The following AMOTL1 variants were observed in gnomAD, a reference collection of about 807,000 sequenced individuals.
AMOTL1 encodes the protein angiomotin like 1.
Under a neutral mutation model 102.9 loss-of-function variants are expected in AMOTL1, and 45 were observed. The observed-to-expected ratio is 0.44, with a 90% CI of 0.34 to 0.56. The LOEUF (loss-of-function observed/expected upper bound fraction) is 0.56, where lower values mean the gene tolerates loss of function less well. AMOTL1 is among the 20% of genes least tolerant of loss of function. The pLI, the probability that AMOTL1 is intolerant of heterozygous loss-of-function variation, is 0.01. For missense variants in AMOTL1, 1,114 were observed against 1,225.6 expected (o/e 0.91, Z 1.36); for synonymous variants, 481 against 484.7 (o/e 0.99, Z 0.10).
At chr11:94,787,047 G>C (rs559978271) in intron 1 of AMOTL1, among the ~76,000 whole-genome samples, 1 of 152,008 alleles carries the variant, frequency 6.6e-6, no homozygotes, top group Admixed American at 6.6e-5. Flanking sequence ...TGAGTTAAGG[G>C]GGGAGGGGTG....
Position 94,821,707 on chromosome 11 carries a change from T to G in AMOTL1, c.1299T>G (p.Asp433Glu). The G allele has an allele frequency of 6.2e-7, 1 of 1,614,038 alleles. No individual in the cohort carries two copies. The highest frequency in any genetic ancestry group is 1.1e-5 in the South Asian group (1 of 91,088). The change falls in exon 4 of 13, where the codon GAT becomes GAG. Residue 433 changes from aspartate to glutamate, a missense_variant. Transcript: ENST00000433060. Reference sequence around the variant, plus strand: ...CCCCCAGCCAGCAGCTTGGTCCAGATGCCTTTGCGATTGTGGAGCGAGCCC... The same window carrying G: ...CCCCCAGCCAGCAGCTTGGTCCAGAGGCCTTTGCGATTGTGGAGCGAGCCC... ...AASPSQQLGP[D>E]AFAIVERAQQ... is the part of the protein sequence containing the mutation.
chr11:94,794,735 C>T (rs1031548030), intron 1 of AMOTL1, among the ~76,000 whole-genome samples: 1 of 152,166 alleles, frequency 6.6e-6, no homozygotes. Flanking sequence ...CTGCTGCAAC[C>T]CTTGGAACCG....
At chr11:94,810,504 A>AAG (rs1951657587) in intron 3 of AMOTL1, among the ~76,000 whole-genome samples, 1 of 151,240 alleles carries the variant, frequency 6.6e-6, no homozygotes, top group Non-Finnish European at 1.5e-5. Context: ...TCCAAAAAAA[A>AAG]AAAAAAAAGA....
chr11:94,792,936 T>C (rs1013086849), intron 1 of AMOTL1, among the ~76,000 whole-genome samples: 1 of 152,132 alleles, frequency 6.6e-6, no homozygotes, highest in Admixed American at 6.5e-5. Context: ...GACCATGAGA[T>C]AAAGTGTGGA....
In AMOTL1 at chr11:94,721,455, C is replaced by T. The variant is rs370547681; in HGVS notation, c.-50-7466C>T. Among the ~76,000 whole-genome samples the T allele has an allele frequency of 5.3e-5, 8 of 151,674 alleles. No individual in the cohort carries two copies. In the South Asian group the frequency reaches 1.5e-3, roughly 28 times the overall value. On this transcript the variant is annotated intron_variant, in intron 1 of 4. Transcript: ENST00000299004. ...CAAATTCATATGTTGAAGCCCTAAC[C>T]CTTGAGGAGATGGTATTTGGAGGTG...
In AMOTL1 at chr11:94,836,001, T is replaced by C. The variant is rs764075851; in HGVS notation, c.1648+4460T>C. 9.8e-5 allele frequency among the ~76,000 whole-genome samples: 15 copies of C among 152,360 alleles called. No homozygotes were observed. In the East Asian group the frequency reaches 2.9e-3, roughly 29 times the overall value. ...TTTCAATGTAGCTGGCTGGCAATCA[T>C]CATCTTACCCTTGAATCTTATTTTA... On this transcript the variant is annotated intron_variant, in intron 6 of 12. Coordinates refer to ENST00000433060, the MANE Select transcript of AMOTL1 (RefSeq NM_130847.3).
chr11:94,772,096 T>TG (rs1203383181), intron 1 of AMOTL1, among the ~76,000 whole-genome samples: 1 of 152,224 alleles, frequency 6.6e-6, no homozygotes, highest in Non-Finnish European at 1.5e-5. Context: ...AGAGGTCCTG[T>TG]GTACCCTTCA....
chr11:94,796,015 A>G, intron 2 of AMOTL1, among the ~76,000 whole-genome samples: 1 of 152,212 alleles, frequency 6.6e-6, no homozygotes, highest in East Asian at 1.9e-4. Flanking sequence ...TCCAACCCAC[A>G]TTGATCTGTC....
At position 94,876,130 on chromosome 11, in the gene AMOTL1, G is replaced by C. The variant is rs1592059951; in HGVS notation, c.*5335G>C. 6.6e-6 allele frequency: 1 copy of C among 152,642 alleles called. No homozygotes were observed. Among genetic ancestry groups the C allele is most frequent in the African/African-American group, 2.4e-5 (1 of 41,448 alleles). The allele number at this position is 152,642 out of a possible 1,614,324, so 9.5% of individuals were successfully genotyped here. A position where few individuals can be genotyped will look rare whatever the true frequency, so the allele number is the denominator to read the frequency against. ...TGTGTTTACATGTGATTGTGCCTAG[G>C]AGTCTGTTCACATAGAGACACCTGT... On this transcript the variant is annotated 3_prime_UTR_variant, in exon 13 of 13. Coordinates refer to ENST00000433060, the MANE Select transcript of AMOTL1 (RefSeq NM_130847.3).
intron 2 of AMOTL1, among the ~76,000 whole-genome samples, chr11:94,731,968 C>T (rs1950361340): frequency 6.6e-6 from 1 of 152,188 alleles, no homozygotes; most frequent in African/African-American, 2.4e-5. Flanking sequence ...GTAACATGTG[C>T]ATTCTCATCC....
chr11:94,758,808 T>C (rs1950758700), intron 3 of AMOTL1, among the ~76,000 whole-genome samples: 1 of 152,182 alleles, frequency 6.6e-6, no homozygotes, highest in Non-Finnish European at 1.5e-5. Context: ...CTGAACTCAT[T>C]TGCTCACTCC....
chr11:94,775,857 C>G (rs1335797838), intron 1 of AMOTL1, among the ~76,000 whole-genome samples: 1 of 152,180 alleles, frequency 6.6e-6, no homozygotes, highest in Non-Finnish European at 1.5e-5. Context: ...CACTTGAACC[C>G]CATTTTACCA....
chr11:94,827,141 A>AT (rs1283865087), intron 4 of AMOTL1, among the ~76,000 whole-genome samples: 1 of 152,230 alleles, frequency 6.6e-6, no homozygotes, highest in Non-Finnish European at 1.5e-5. Context: ...AGTAAGAGCT[A>AT]TTCTACCCTC....
At chr11:94,818,169 A>C (rs1160758594) in intron 3 of AMOTL1, among the ~76,000 whole-genome samples, 1 of 152,246 alleles carries the variant, frequency 6.6e-6, no homozygotes, top group Admixed American at 6.5e-5. Flanking sequence ...TTGGAATGGC[A>C]TACTTTTAGA....
At chr11:94,763,233 T>C (rs1950815899) in intron 3 of AMOTL1, among the ~76,000 whole-genome samples, 2 of 152,164 alleles carry the variant, frequency 1.3e-5, no homozygotes, top group South Asian at 4.1e-4. Context: ...TCTTTCACTC[T>C]GAGACCATCT....
intron 1 of AMOTL1, among the ~76,000 whole-genome samples, chr11:94,726,782 G>A (rs1474556403): frequency 6.6e-6 from 1 of 152,146 alleles, no homozygotes; most frequent in African/African-American, 2.4e-5. Flanking sequence ...AATCTCCTGA[G>A]CAACTCTGGG....
At chr11:94,749,304 G>A (rs189187269) in intron 3 of AMOTL1, among the ~76,000 whole-genome samples, 22 of 152,324 alleles carry the variant, frequency 1.4e-4, no homozygotes, top group South Asian at 6.2e-4. Context: ...GAAGAAGAGC[G>A]TCCCAGCTCT....
At chr11:94,739,741 G>A (rs929761767) in intron 2 of AMOTL1, among the ~76,000 whole-genome samples, 2 of 152,050 alleles carry the variant, frequency 1.3e-5, no homozygotes, top group African/African-American at 4.8e-5. Flanking sequence ...TCAGCTGCGG[G>A]GCTCTCTCTG....
At chr11:94,778,455 C>T (rs1020804554) in intron 1 of AMOTL1, among the ~76,000 whole-genome samples, 1 of 152,198 alleles carries the variant, frequency 6.6e-6, no homozygotes, top group Middle Eastern at 3.2e-3. Context: ...AACTGTGCCA[C>T]TCACTAGCTT....
Sources: allele counts gnomAD v4.1 joint callset (sites outside exome capture counted in the v4.1 genomes callset), GRCh38; gene constraint gnomAD v4.1.1; transcripts MANE v1.5; gene names NCBI Gene and HGNC (gene_info 2026-07-23, HGNC 2026-07-21).